The following ZNF385D variants were observed in gnomAD, a reference collection of about 807,000 sequenced individuals.
ZNF385D encodes the protein zinc finger protein 659.
In ZNF385D, 15 loss-of-function variants were observed where a neutral mutation model predicts 35.8. That is an observed-to-expected ratio of 0.42 (90% CI 0.28 to 0.64). The LOEUF (loss-of-function observed/expected upper bound fraction) is 0.64. ZNF385D is among the 30% of genes least tolerant of loss of function. The probability of loss-of-function intolerance (pLI) is 0.23; values close to 1 mark genes in which losing one functional copy is unlikely to be tolerated. For synonymous variants in ZNF385D, 212 were observed against 186.8 expected (o/e 1.13, Z -1.10); for missense variants, 474 against 494.6 (o/e 0.96, Z 0.39).
In ZNF385D at chr3:21,423,946, T is replaced by C; in HGVS notation, c.954+17A>G. 1 of 1,603,640 alleles carries C rather than the reference T, an allele frequency of 6.2e-7. No individual in the cohort carries two copies. Among genetic ancestry groups the C allele is most frequent in the Non-Finnish European group, 8.5e-7 (1 of 1,175,950 alleles). Reference sequence around the variant, plus strand: ...CATTTGGGAATAGAGGCTGGACTCTTGCAAAATGACACTCACCCCCAGTGG... The same window carrying C: ...CATTTGGGAATAGAGGCTGGACTCTCGCAAAATGACACTCACCCCCAGTGG... On this transcript the variant is annotated intron_variant, in intron 7 of 7. Coordinates refer to ENST00000281523, the MANE Select transcript of ZNF385D (RefSeq NM_024697.3).
In ZNF385D at chr3:21,414,881, G is replaced by A. The variant is rs984946678; in HGVS notation, c.*6333C>T. 6.6e-6 allele frequency: 1 copy of A among 152,000 alleles called. No homozygotes were observed. Among genetic ancestry groups the A allele is most frequent in the African/African-American group, 2.4e-5 (1 of 41,384 alleles). 9.4% of individuals were successfully genotyped at this position (152,000 alleles called of 1,614,324 possible). ...AAAGTTAAACTTTCCAGGATCTCAC[G>A]AACTCAATTCCTTTTTCATCTCTAC... On this transcript the variant is annotated 3_prime_UTR_variant, in exon 8 of 8. Coordinates refer to ENST00000281523, the MANE Select transcript of ZNF385D (RefSeq NM_024697.3).
rs200263873 is a variant in ZNF385D at position 21,998,448 on chromosome 3, G to GAGAA, written c.325+170365_325+170368dup. 2.0e-4 allele frequency among the ~76,000 whole-genome samples: 31 copies of GAGAA among 152,318 alleles called. No individual in the cohort carries two copies. The East Asian group carries it at 6.0e-3, about 29-fold the overall frequency. The stretch of plus-strand genomic sequence containing the variant: ...CCATCTTTACTTTTAGTGTCACTAT[G>GAGAA]AGAAATTCAGCATATCTTTCAATTA... On this transcript the variant is annotated intron_variant, in intron 3 of 5. Transcript: ENST00000494108.
chr3:21,448,264 G>T (rs866921538), intron 4 of ZNF385D, among the ~76,000 whole-genome samples: 2 of 152,112 alleles, frequency 1.3e-5, no homozygotes, highest in Non-Finnish European at 2.9e-5. Context: ...AAAAGGAAAT[G>T]AGAAAAATTA....
At chr3:21,714,141 G>A (rs546102276) in intron 1 of ZNF385D, among the ~76,000 whole-genome samples, 1 of 152,290 alleles carries the variant, frequency 6.6e-6, no homozygotes, top group East Asian at 1.9e-4. Context: ...TTTGGTGAGA[G>A]AAGATATTAA....
At chr3:21,838,336 A>G (rs1265823650) in intron 3 of ZNF385D, among the ~76,000 whole-genome samples, 1 of 152,122 alleles carries the variant, frequency 6.6e-6, no homozygotes, top group Non-Finnish European at 1.5e-5. Flanking sequence ...AGATAAGTAT[A>G]GTTATGTATG....
chr3:22,133,613 T>A (rs1025977088), intron 3 of ZNF385D: 1 of 152,020 alleles, frequency 6.6e-6, no homozygotes, highest in Non-Finnish European at 1.5e-5. Flanking sequence ...TATTTCTACT[T>A]AGAGGACTGG....
rs1474641745 is a variant in ZNF385D, at chr3:21,414,072, A to G, written c.*7142T>C. The G allele has an allele frequency of 1.3e-5, 2 of 152,104 alleles. No homozygotes were observed. Among genetic ancestry groups the G allele is most frequent in the African/African-American group, 2.4e-5 (1 of 41,432 alleles). The allele number at this position is 152,104 out of a possible 1,614,324, so 9.4% of individuals were successfully genotyped here. On this transcript the variant is annotated 3_prime_UTR_variant, in exon 8 of 8. Coordinates refer to ENST00000281523, the MANE Select transcript of ZNF385D (RefSeq NM_024697.3). ...TGGTAGTCGATTTAAAATTTGTTGTAAAATTTCAGTGAATTAAATATTATT... is the reference window on the plus strand; with the variant it reads ...TGGTAGTCGATTTAAAATTTGTTGTGAAATTTCAGTGAATTAAATATTATT...
At chr3:22,169,620 C>T (rs933098556) in intron 2 of ZNF385D, among the ~76,000 whole-genome samples, 3 of 152,154 alleles carry the variant, frequency 2.0e-5, no homozygotes, top group Non-Finnish European at 4.4e-5. Context: ...TTATACCTGA[C>T]ACACAAGAGA....
chr3:21,661,290 A>G lies in ZNF385D; in HGVS notation c.165+3596T>C, dbSNP rs73037265. On this transcript the variant is annotated intron_variant, in intron 2 of 7. Transcript: ENST00000281523. ...CATTTGCTCCTGTACTCAAGCTAAC[A>G]TTCTATGCTGTACATCTTTCTGTAT... Among the ~76,000 whole-genome samples the G allele has an allele frequency of 3.8e-3, 583 of 152,314 alleles. 1 individual carries two copies. The highest frequency in any genetic ancestry group is 6.6e-3 in the Non-Finnish European group (448 of 68,024).
At chr3:21,914,263 A>G (rs2125916838) in intron 3 of ZNF385D, among the ~76,000 whole-genome samples, 1 of 152,204 alleles carries the variant, frequency 6.6e-6, no homozygotes, top group East Asian at 1.9e-4. Flanking sequence ...GGGGTGAGTT[A>G]ACACTTATAT....
intron 1 of ZNF385D, among the ~76,000 whole-genome samples, chr3:21,688,894 G>A (rs1247280840): frequency 1.3e-5 from 2 of 152,072 alleles, no homozygotes; most frequent in Non-Finnish European, 2.9e-5. Flanking sequence ...ATTATAATGT[G>A]CTTGTGTTTC....
chr3:22,037,238 G>T lies in ZNF385D; in HGVS notation c.325+131579C>A, dbSNP rs201158806. Reference sequence around the variant, plus strand: ...TTGGGTATATACCCAGGAATGGGATGGCTGGGTCAAATGGTATTTCTAGTT... The same window carrying T: ...TTGGGTATATACCCAGGAATGGGATTGCTGGGTCAAATGGTATTTCTAGTT... On this transcript the variant is annotated intron_variant, in intron 3 of 5. Coordinates refer to the ZNF385D transcript ENST00000494108. Among the ~76,000 whole-genome samples the T allele has an allele frequency of 3.5e-3, 488 of 140,166 alleles. 12 individuals are homozygous for T. Among genetic ancestry groups the T allele is most frequent in the East Asian group, 0.033 (142 of 4,244 alleles). 92.0% of individuals were successfully genotyped at this position (140,166 alleles called of 152,430 possible). A position where few individuals can be genotyped will look rare whatever the true frequency, so the allele number is the denominator to read the frequency against.
At chr3:21,747,432 T>C (rs1372505605) in intron 1 of ZNF385D, among the ~76,000 whole-genome samples, 1 of 152,220 alleles carries the variant, frequency 6.6e-6, no homozygotes. Flanking sequence ...CTTCCTGATA[T>C]GCAGCCACAC....
At chr3:22,038,673 T>C (rs2125499147) in intron 3 of ZNF385D, among the ~76,000 whole-genome samples, 1 of 152,178 alleles carries the variant, frequency 6.6e-6, no homozygotes, top group South Asian at 2.1e-4. Context: ...ATTCTAATTC[T>C]TTTGGATCTA....
At chr3:22,297,949 T>C (rs554809837) in intron 2 of ZNF385D, among the ~76,000 whole-genome samples, 334 of 152,222 alleles carry the variant, frequency 2.2e-3, no homozygotes, top group Non-Finnish European at 3.9e-3. Flanking sequence ...TATGTTTCTA[T>C]AGTTTTGTTT....
At chr3:21,942,921 G>C (rs1338515938) in intron 3 of ZNF385D, among the ~76,000 whole-genome samples, 1 of 152,086 alleles carries the variant, frequency 6.6e-6, no homozygotes, top group Non-Finnish European at 1.5e-5. Context: ...TTATTTTAAA[G>C]TTATCACTTA....
chr3:21,599,663 TAAG>T (rs1262709831), intron 2 of ZNF385D, among the ~76,000 whole-genome samples: 3 of 152,208 alleles, frequency 2.0e-5, no homozygotes, highest in African/African-American at 7.2e-5. Flanking sequence ...AATAAGCTGA[TAAG>T]AAGTTACTTT....
At chr3:21,964,420 A>AG (rs1559796964) in intron 3 of ZNF385D, among the ~76,000 whole-genome samples, 1 of 98,396 alleles carries the variant, frequency 1.0e-5, no homozygotes, top group Non-Finnish European at 1.8e-5. Context: ...TGTAAAAAAA[A>AG]AAAAAAAAAA....
chr3:22,008,145 G>C (rs1052761469), intron 3 of ZNF385D, among the ~76,000 whole-genome samples: 9 of 152,026 alleles, frequency 5.9e-5, no homozygotes, highest in Admixed American at 5.2e-4. Context: ...TCTTTATTTA[G>C]ATGGGTGTTG....
Sources: gnomAD v4.1 joint callset for allele counts (sites outside exome capture counted in the v4.1 genomes callset) on GRCh38, gnomAD v4.1.1 for gene constraint, MANE v1.5 for transcripts, NCBI Gene and HGNC (gene_info 2026-07-23, HGNC 2026-07-21) for gene names.